The following PRMT3 variants were observed in gnomAD, a reference collection of about 807,000 sequenced individuals.
PRMT3 encodes protein arginine methyltransferase 3, also known as protein arginine N-methyltransferase 3.
In PRMT3, 62 loss-of-function variants were observed where a neutral mutation model predicts 71.9. That is an observed-to-expected ratio of 0.86 (90% CI 0.70 to 1.07). The LOEUF is 1.07. Among genes scored for constraint, PRMT3 ranks in the 50% least tolerant of loss-of-function variants. The pLI is 0.00. For missense variants in PRMT3, 663 were observed against 643.0 expected (o/e 1.03, Z -0.34); for synonymous variants, 213 against 220.4 (o/e 0.97, Z 0.30).
intron 11 of PRMT3, among the ~76,000 whole-genome samples, chr11:20,452,410 A>C (rs1442725392): frequency 1.3e-5 from 2 of 152,172 alleles, no homozygotes; most frequent in African/African-American, 4.8e-5. Context: ...ACTCCAAGGT[A>C]ATGGTATTCT....
intron 7 of PRMT3, among the ~76,000 whole-genome samples, chr11:20,401,000 C>T (rs1355622620): frequency 6.6e-6 from 1 of 150,418 alleles, no homozygotes; most frequent in East Asian, 1.9e-4. Context: ...AATTAAGTGA[C>T]TGAATTGAAG....
chr11:20,468,784 A>G (rs1850573826), intron 13 of PRMT3, among the ~76,000 whole-genome samples: 1 of 152,222 alleles, frequency 6.6e-6, no homozygotes, highest in African/African-American at 2.4e-5. Flanking sequence ...GTATTTTAAT[A>G]GCATGTATGC....
At chr11:20,466,821 T>C (rs1850524624) in intron 13 of PRMT3, among the ~76,000 whole-genome samples, 1 of 152,228 alleles carries the variant, frequency 6.6e-6, no homozygotes, top group Admixed American at 6.5e-5. Context: ...AGATTGTAAT[T>C]GAACTTTTAA....
intron 10 of PRMT3, among the ~76,000 whole-genome samples, chr11:20,436,219 G>A (rs1849756748): frequency 6.6e-6 from 1 of 152,146 alleles, no homozygotes; most frequent in Non-Finnish European, 1.5e-5. Flanking sequence ...TAGATTTTCT[G>A]TATAAGATCA....
chr11:20,479,518 G>GA (rs1850877378), intron 13 of PRMT3, among the ~76,000 whole-genome samples: 1 of 152,114 alleles, frequency 6.6e-6, no homozygotes, highest in South Asian at 2.1e-4. Flanking sequence ...AGTTATCTAA[G>GA]AAAATGTCCG....
At chr11:20,476,070 C>T (rs917843485) in intron 13 of PRMT3, among the ~76,000 whole-genome samples, 6 of 151,588 alleles carry the variant, frequency 4.0e-5, no homozygotes, top group East Asian at 2.0e-4. Flanking sequence ...TAAAACATGG[C>T]GGGGCACAGT....
chr11:20,412,037 A>G (rs1849204515), intron 9 of PRMT3, among the ~76,000 whole-genome samples: 1 of 152,186 alleles, frequency 6.6e-6, no homozygotes, highest in Non-Finnish European at 1.5e-5. Flanking sequence ...AGATGTATTT[A>G]AAGGACTAAA....
chr11:20,421,238 A>T (rs1286658163), intron 9 of PRMT3, among the ~76,000 whole-genome samples: 1 of 151,964 alleles, frequency 6.6e-6, no homozygotes, highest in Admixed American at 6.6e-5. Flanking sequence ...AGTTCTTCCT[A>T]TGTTGCCTAG....
chr11:20,506,262 C>G (rs1228342561), intron 15 of PRMT3, among the ~76,000 whole-genome samples: 1 of 152,134 alleles, frequency 6.6e-6, no homozygotes, highest in Admixed American at 6.5e-5. Context: ...GTAGAACTAT[C>G]TGACTGGTAA....
chr11:20,437,127 C>T (rs1365149639), intron 10 of PRMT3, among the ~76,000 whole-genome samples: 1 of 151,766 alleles, frequency 6.6e-6, no homozygotes, highest in African/African-American at 2.4e-5. Context: ...CTCTTTGTTT[C>T]TGATTTTATT....
intron 13 of PRMT3, among the ~76,000 whole-genome samples, chr11:20,480,705 A>G (rs1380896126): frequency 2.0e-5 from 3 of 152,178 alleles, no homozygotes; most frequent in Non-Finnish European, 4.4e-5. Flanking sequence ...GGACTTGTTC[A>G]TGAGTTACCT....
At chr11:20,495,159 G>T (rs186602476) in intron 15 of PRMT3, among the ~76,000 whole-genome samples, 1 of 152,146 alleles carries the variant, frequency 6.6e-6, no homozygotes, top group African/African-American at 2.4e-5. Context: ...CTCCCAAGTA[G>T]CTGGCACCAC....
intron 15 of PRMT3, among the ~76,000 whole-genome samples, chr11:20,501,687 A>G (rs147696619): frequency 2.6e-5 from 4 of 152,304 alleles, no homozygotes; most frequent in African/African-American, 9.6e-5. Context: ...AATATTGTAA[A>G]TGGAACTATA....
chr11:20,428,356 T>C (rs1218596466), intron 10 of PRMT3, among the ~76,000 whole-genome samples: 1 of 152,226 alleles, frequency 6.6e-6, no homozygotes, highest in Non-Finnish European at 1.5e-5. Context: ...AAATAGACTT[T>C]ATAGGCAAAC....
intron 13 of PRMT3, among the ~76,000 whole-genome samples, chr11:20,479,603 G>T (rs557395923): frequency 9.8e-5 from 15 of 152,298 alleles, no homozygotes; most frequent in Admixed American, 7.9e-4. Context: ...GAGATTAGGT[G>T]AAGTATGTGT....
intron 6 of PRMT3, 40 bp downstream of exon 6, chr11:20,396,002 C>T: frequency 6.3e-7 from 1 of 1,589,698 alleles, no homozygotes; most frequent in Non-Finnish European, 8.6e-7. Context: ...TTTTAGATCT[C>T]CAGAATAATA....
intron 13 of PRMT3, among the ~76,000 whole-genome samples, chr11:20,478,039 A>G (rs1432408031): frequency 6.6e-6 from 1 of 152,200 alleles, no homozygotes; most frequent in Non-Finnish European, 1.5e-5. Flanking sequence ...GGGCCCTAGC[A>G]TTGGGCAAAC....
At chr11:20,448,936 A>G (rs915774608) in intron 10 of PRMT3, among the ~76,000 whole-genome samples, 7 of 152,194 alleles carry the variant, frequency 4.6e-5, no homozygotes, top group Admixed American at 2.6e-4. Flanking sequence ...GTGAGGCAGC[A>G]GCCTGTGAAA....
At chr11:20,431,835 G>A (rs1336145720) in intron 10 of PRMT3, among the ~76,000 whole-genome samples, 1 of 151,992 alleles carries the variant, frequency 6.6e-6, no homozygotes, top group Non-Finnish European at 1.5e-5. Flanking sequence ...CAATTTTTAG[G>A]CAGTGCTGAC....
Sources: gnomAD v4.1 joint callset for allele counts (sites outside exome capture counted in the v4.1 genomes callset) on GRCh38, gnomAD v4.1.1 for gene constraint, MANE v1.5 for transcripts, NCBI Gene and HGNC (gene_info 2026-07-23, HGNC 2026-07-21) for gene names.